COL23A1: variants seen among roughly 807,000 people sequenced by gnomAD.
COL23A1 encodes the protein collagen alpha-1(XXIII) chain.
Under a neutral mutation model 99.3 loss-of-function variants are expected in COL23A1, and 97 were observed. The observed-to-expected ratio is 0.98, with a 90% CI of 0.83 to 1.16. COL23A1 has a LOEUF of 1.16. Among genes scored for constraint, COL23A1 ranks in the 50% most tolerant of loss-of-function variants. The probability of loss-of-function intolerance (pLI) is 0.00; values close to 1 mark genes in which losing one functional copy is unlikely to be tolerated. For missense variants in COL23A1, 762 were observed against 757.4 expected, an observed-to-expected ratio of 1.01 and a Z score of -0.07; for synonymous variants, 320 against 308.2, an observed-to-expected ratio of 1.04 and a Z score of -0.40.
In COL23A1 at chr5:178,403,108, C is replaced by CAAAAAAAAAAAAAAAAAAAAAAAAA. The variant is rs200567150; in HGVS notation, c.362-96190_362-96189insTTTTTTTTTTTTTTTTTTTTTTTTT. Among the ~76,000 whole-genome samples the CAAAAAAAAAAAAAAAAAAAAAAAAA allele has an allele frequency of 4.3e-4, 20 of 46,662 alleles. 1 individual carries two copies. The highest frequency in any genetic ancestry group is 4.9e-4 in the Non-Finnish European group (14 of 28,286). The allele number at this position is 46,662 out of a possible 152,430, so 30.6% of individuals were successfully genotyped here. A position where few individuals can be genotyped will look rare whatever the true frequency, so the allele number is the denominator to read the frequency against. On this transcript the variant is annotated intron_variant, in intron 2 of 28. Transcript: ENST00000390654. The stretch of plus-strand genomic sequence containing the variant: ...TGGGCAACAGAGAGAGACTCCATCT[C>CAAAAAAAAAAAAAAAAAAAAAAAAA]AAAAAAAAAAAAAATAAATAAATAA...
chr5:178,498,765 T>C (rs960205997), intron 2 of COL23A1, among the ~76,000 whole-genome samples: 6 of 152,150 alleles, frequency 3.9e-5, no homozygotes, highest in African/African-American at 1.4e-4. Context: ...ACAGGAGACA[T>C]GCCTAACGCA....
chr5:178,570,977 T>C (rs526948), intron 1 of COL23A1, among the ~76,000 whole-genome samples: 55,054 of 151,850 alleles, frequency 0.36, 11,121 homozygotes, highest in African/African-American at 0.55. Context: ...AAAAGGATTC[T>C]AGGGCACCGC....
intron 2 of COL23A1, among the ~76,000 whole-genome samples, chr5:178,464,878 C>A (rs566817273): frequency 6.6e-5 from 10 of 152,298 alleles, no homozygotes; most frequent in Non-Finnish European, 1.3e-4. Flanking sequence ...AACTCAGTTG[C>A]CCAAGGTCAC....
intron 2 of COL23A1, among the ~76,000 whole-genome samples, chr5:178,506,371 A>C (rs1036292659): frequency 3.5e-4 from 54 of 152,148 alleles, no homozygotes; most frequent in Non-Finnish European, 1.0e-4. Context: ...CACTCCAGGG[A>C]CTTGATCAGA....
chr5:178,501,059 C>T (rs1758499111), intron 2 of COL23A1, among the ~76,000 whole-genome samples: 1 of 152,152 alleles, frequency 6.6e-6, no homozygotes, highest in Non-Finnish European at 1.5e-5. Context: ...ATAGTTTTCC[C>T]TGTTTCTCCC....
chr5:178,347,888 A>C (rs1208098288), intron 2 of COL23A1, among the ~76,000 whole-genome samples: 5 of 99,988 alleles, frequency 5.0e-5, no homozygotes, highest in South Asian at 3.2e-4. Flanking sequence ...TCAAAAAAAA[A>C]AAAAAAAAAC....
intron 2 of COL23A1, among the ~76,000 whole-genome samples, chr5:178,359,013 G>A (rs1170539571): frequency 6.6e-6 from 1 of 152,166 alleles, no homozygotes; most frequent in Non-Finnish European, 1.5e-5. Flanking sequence ...AAAGGCTTCT[G>A]ATTTGCTTTG....
At chr5:178,520,386 G>A (rs926803123) in intron 2 of COL23A1, among the ~76,000 whole-genome samples, 9 of 152,148 alleles carry the variant, frequency 5.9e-5, no homozygotes, top group African/African-American at 1.9e-4. Context: ...CACCTCATAC[G>A]ACTCCTACAT....
At chr5:178,532,010 G>A (rs1760677134) in intron 2 of COL23A1, among the ~76,000 whole-genome samples, 1 of 152,206 alleles carries the variant, frequency 6.6e-6, no homozygotes, top group African/African-American at 2.4e-5. Flanking sequence ...GATGCAGGGT[G>A]GCCCCCAGTG....
In COL23A1 at chr5:178,263,364, G is replaced by A. The variant is rs371300882; in HGVS notation, c.523-40C>T. On this transcript the variant is annotated intron_variant, in intron 8 of 28. Coordinates refer to ENST00000390654, the MANE Select transcript of COL23A1 (RefSeq NM_173465.4). The stretch of plus-strand genomic sequence containing the variant: ...GCTTGGCATGACTCTGAGGGGGAGG[G>A]GGTCCAGCCTCCAGAGAGAGGCTCC... The A allele has an allele frequency of 1.2e-5, 16 of 1,295,902 alleles. No individual in the cohort carries two copies. The African/African-American group carries it at 1.9e-4, about 16-fold the overall frequency. 80.3% of individuals were successfully genotyped at this position (1,295,902 alleles called of 1,614,324 possible). A position where few individuals can be genotyped will look rare whatever the true frequency, so the allele number is the denominator to read the frequency against.
chr5:178,446,737 A>G (rs1293746367), intron 2 of COL23A1, among the ~76,000 whole-genome samples: 1 of 152,230 alleles, frequency 6.6e-6, no homozygotes, highest in Non-Finnish European at 1.5e-5. Flanking sequence ...TCCCAAAGAA[A>G]TACAGTTCAA....
At chr5:178,326,823 A>G (rs937506617) in intron 2 of COL23A1, among the ~76,000 whole-genome samples, 4 of 152,244 alleles carry the variant, frequency 2.6e-5, no homozygotes, top group East Asian at 1.9e-4. Context: ...GGGTTCAAGC[A>G]ATTCTCCTGC....
At chr5:178,275,635 C>T (rs1045519614) in intron 5 of COL23A1, among the ~76,000 whole-genome samples, 7 of 152,134 alleles carry the variant, frequency 4.6e-5, no homozygotes, top group Non-Finnish European at 1.0e-4. Flanking sequence ...CTCAGAATCG[C>T]GCAGGTTCTC....
chr5:178,283,804 C>T (rs1757021996), intron 5 of COL23A1, among the ~76,000 whole-genome samples: 1 of 152,200 alleles, frequency 6.6e-6, no homozygotes, highest in South Asian at 2.1e-4. Context: ...TCAGATGCCA[C>T]AGTTTAGAGA....
At chr5:178,496,821 C>T (rs1758223602) in intron 2 of COL23A1, among the ~76,000 whole-genome samples, 1 of 152,242 alleles carries the variant, frequency 6.6e-6, no homozygotes, top group South Asian at 2.1e-4. Context: ...TAGGCTAATC[C>T]CTCTGGCAAA....
chr5:178,258,083 A>C (rs988867798), intron 12 of COL23A1, among the ~76,000 whole-genome samples: 93 of 151,596 alleles, frequency 6.1e-4, no homozygotes, highest in Non-Finnish European at 1.0e-3. Context: ...CTCTACAAAA[A>C]CCAGAAAATA....
intron 2 of COL23A1, among the ~76,000 whole-genome samples, chr5:178,512,524 G>GAA (rs36099164): frequency 6.6e-6 from 1 of 152,188 alleles, no homozygotes; most frequent in African/African-American, 2.4e-5. Context: ...GTGCCAGGGA[G>GAA]AAAGGGGCAA....
intron 24 of COL23A1, 73 bp from the exon 25 acceptor site, chr5:178,246,041 C>T: frequency 1.3e-6 from 2 of 1,569,334 alleles, no homozygotes; most frequent in South Asian, 2.2e-5. Context: ...GGAAGTCCAG[C>T]CCTGTGGGTT....
chr5:178,463,706 G>A (rs1458914081), intron 2 of COL23A1, among the ~76,000 whole-genome samples: 2 of 152,186 alleles, frequency 1.3e-5, no homozygotes, highest in African/African-American at 4.8e-5. Context: ...AAATGTGCAC[G>A]GTGGCCCCCA....
Sources: allele counts gnomAD v4.1 joint callset (sites outside exome capture counted in the v4.1 genomes callset), GRCh38; gene constraint gnomAD v4.1.1; transcripts MANE v1.5; gene names NCBI Gene and HGNC (gene_info 2026-07-23, HGNC 2026-07-21).